DIP2B: variants seen among roughly 807,000 people sequenced by gnomAD.
DIP2B encodes disco-interacting protein 2 homolog B.
DIP2B carries 76 observed loss-of-function variants against 198.0 expected under a neutral mutation model. That is an observed-to-expected ratio of 0.38 (90% CI 0.32 to 0.46). DIP2B has a LOEUF of 0.46. Ranked by LOEUF, DIP2B falls within the 20% of genes least tolerant of loss-of-function variation. The pLI is 0.99. For missense variants in DIP2B, 1,559 were observed against 1,978.4 expected (o/e 0.79, Z 4.02); for synonymous variants, 701 against 739.1 (o/e 0.95, Z 0.84).
chr12:50,552,023 C>T (rs374275971), intron 1 of DIP2B, among the ~76,000 whole-genome samples: 73 of 152,098 alleles, frequency 4.8e-4, no homozygotes, highest in African/African-American at 1.7e-3. Flanking sequence ...TTTACAATCC[C>T]ACCAGCATGC....
At chr12:50,505,270 G>A in intron 1 of DIP2B, 30 bp downstream of exon 1, 1 of 1,442,240 alleles carries the variant, frequency 6.9e-7, no homozygotes, top group Non-Finnish European at 9.0e-7. Context: ...GAGGGCGCCC[G>A]GGGCCCTGCG....
At chr12:50,738,984 C>T (rs1940187248) in intron 35 of DIP2B, among the ~76,000 whole-genome samples, 1 of 152,224 alleles carries the variant, frequency 6.6e-6, no homozygotes, top group Admixed American at 6.5e-5. Context: ...TCCCTGTGGG[C>T]TTCCACAGTT....
intron 2 of DIP2B, among the ~76,000 whole-genome samples, chr12:50,636,704 C>T (rs1034645761): frequency 6.6e-6 from 1 of 152,232 alleles, no homozygotes; most frequent in Non-Finnish European, 1.5e-5. Context: ...GCATCGGCTA[C>T]TCTGATGCAT....
chr12:50,697,461 T>C (rs1228626320), intron 17 of DIP2B, among the ~76,000 whole-genome samples: 1 of 151,794 alleles, frequency 6.6e-6, no homozygotes, highest in Admixed American at 6.6e-5. Flanking sequence ...GTATGGATAG[T>C]ATATCTATAG....
intron 1 of DIP2B, among the ~76,000 whole-genome samples, chr12:50,605,609 C>T (rs1958974428): frequency 6.6e-6 from 1 of 152,082 alleles, no homozygotes; most frequent in African/African-American, 2.4e-5. Flanking sequence ...ATTCCCTTTC[C>T]CCCTACTCAT....
chr12:50,692,993 C>T lies in DIP2B; in HGVS notation c.1699C>T (p.Leu567=), dbSNP rs1430900037. Residue 567 remains leucine, a synonymous_variant, in exon 14 of 38, where the codon CTG becomes TTG. Coordinates refer to ENST00000301180, the MANE Select transcript of DIP2B (RefSeq NM_173602.3). ...NVLDFKKDAG[L]WHGMFANVMN... ...CTTAGACTTTAAGAAGGATGCTGGG[C>T]TGTGGCACGGCATGTTTGCGGTAAG... 2 of 1,610,846 alleles carry T rather than the reference C, an allele frequency of 1.2e-6. No individual in the cohort carries two copies. The highest frequency in any genetic ancestry group is 8.5e-7 in the Non-Finnish European group (1 of 1,179,216).
At chr12:50,710,245 TA>T (rs1939591440) in intron 22 of DIP2B, among the ~76,000 whole-genome samples, 1 of 152,224 alleles carries the variant, frequency 6.6e-6, no homozygotes, top group African/African-American at 2.4e-5. Context: ...ATTTGTTGGC[TA>T]AGTGGATGGT....
intron 22 of DIP2B, among the ~76,000 whole-genome samples, chr12:50,710,213 C>T (rs748786892): frequency 5.3e-5 from 8 of 152,142 alleles, no homozygotes; most frequent in East Asian, 1.9e-4. Context: ...TGCTAGCGAA[C>T]GTCATAGTAG....
chr12:50,735,801 G>A (rs1940129080), intron 34 of DIP2B, among the ~76,000 whole-genome samples: 2 of 152,334 alleles, frequency 1.3e-5, no homozygotes, highest in African/African-American at 2.4e-5. Flanking sequence ...AGAAAGCTAG[G>A]AGAGGCCGAG....
In DIP2B at chr12:50,678,731, T is replaced by C. The variant is rs139194622; in HGVS notation, c.969T>C (p.Pro323=). 1 of 1,614,190 alleles carries C rather than the reference T, an allele frequency of 6.2e-7. No homozygotes were observed. The highest frequency in any genetic ancestry group is 8.5e-7 in the Non-Finnish European group (1 of 1,180,026). The change falls in exon 8 of 38, where the codon CCT becomes CCC. Residue 323 remains proline, a synonymous_variant. Transcript: ENST00000301180. The part of the protein sequence containing the change: ...QPKPEGRQMT[P]VKGEPLGVIC... ...AGCCGGAGGGACGGCAGATGACCCCTGTGAAAGGAGAGCCTTTAGGAGTCA... is the reference window on the plus strand; with the variant it reads ...AGCCGGAGGGACGGCAGATGACCCCCGTGAAAGGAGAGCCTTTAGGAGTCA...
chr12:50,664,195 G>C (rs776239503), intron 4 of DIP2B, among the ~76,000 whole-genome samples: 1 of 152,054 alleles, frequency 6.6e-6, no homozygotes, highest in Admixed American at 6.5e-5. Flanking sequence ...TTAATAAAAA[G>C]GATTAAGGAG....
chr12:50,542,523 T>G (rs1351504152), intron 1 of DIP2B, among the ~76,000 whole-genome samples: 1 of 152,146 alleles, frequency 6.6e-6, no homozygotes, highest in East Asian at 1.9e-4. Flanking sequence ...ATGTCTGATG[T>G]GGAGGGAGAG....
chr12:50,678,912 G>A (rs1565868245), intron 8 of DIP2B, 36 bp downstream of exon 8: 1 of 1,610,608 alleles, frequency 6.2e-7, no homozygotes, highest in Admixed American at 1.7e-5. Context: ...TCTCTCCTGA[G>A]AGTTCTTCAG....
intron 1 of DIP2B, among the ~76,000 whole-genome samples, chr12:50,525,203 A>G (rs562361664): frequency 2.6e-5 from 4 of 152,044 alleles, no homozygotes; most frequent in African/African-American, 9.6e-5. Flanking sequence ...TAAAAATACA[A>G]AAAAATTAGC....
chr12:50,737,693 C>G (rs1013263344), intron 35 of DIP2B, among the ~76,000 whole-genome samples: 3 of 152,010 alleles, frequency 2.0e-5, no homozygotes, highest in African/African-American at 7.3e-5. Context: ...TCAAGTGATT[C>G]TTGTGCCTCG....
intron 28 of DIP2B, among the ~76,000 whole-genome samples, chr12:50,726,586 A>G (rs1048585575): frequency 6.6e-6 from 1 of 151,870 alleles, no homozygotes; most frequent in Non-Finnish European, 1.5e-5. Flanking sequence ...CCAGTCCTCA[A>G]GTGGTCTACC....
chr12:50,602,078 C>A (rs187798042), intron 1 of DIP2B, among the ~76,000 whole-genome samples: 20 of 152,310 alleles, frequency 1.3e-4, no homozygotes, highest in Admixed American at 2.0e-4. Context: ...CAGCTTTGGT[C>A]AGGTTCATGT....
chr12:50,526,626 C>CTTTTTTTTTTTTT (rs11423846), intron 1 of DIP2B, among the ~76,000 whole-genome samples: 1 of 64,182 alleles, frequency 1.6e-5, no homozygotes, highest in African/African-American at 7.0e-5. Flanking sequence ...TTTCCTCTGC[C>CTTTTTTTTTTTTT]TTTTTTTTTT....
Position 50,746,616 on chromosome 12 carries a change from TTCA to T in DIP2B, c.*1778_*1780del. 2 of 152,284 alleles carry T rather than the reference TTCA, an allele frequency of 1.3e-5. No individual in the cohort carries two copies. Among genetic ancestry groups the T allele is most frequent in the South Asian group, 4.1e-4 (2 of 4,826 alleles). The allele number at this position is 152,284 out of a possible 1,614,324, so 9.4% of individuals were successfully genotyped here. A position where few individuals can be genotyped will look rare whatever the true frequency, so the allele number is the denominator to read the frequency against. On this transcript the variant is annotated 3_prime_UTR_variant, in exon 38 of 38. Coordinates refer to ENST00000301180, the MANE Select transcript of DIP2B (RefSeq NM_173602.3). ...ACATTTGCCAGTTCCAGATCTCTTTTTCAGCATTTTCATGGAATTAATTTACAC... is the reference window on the plus strand; with the variant it reads ...ACATTTGCCAGTTCCAGATCTCTTTTGCATTTTCATGGAATTAATTTACAC...
Sources: gnomAD v4.1 joint callset for allele counts (sites outside exome capture counted in the v4.1 genomes callset) on GRCh38, gnomAD v4.1.1 for gene constraint, MANE v1.5 for transcripts, NCBI Gene and HGNC (gene_info 2026-07-23, HGNC 2026-07-21) for gene names.